ZNF217: variants seen among roughly 807,000 people sequenced by gnomAD.
ZNF217 encodes the protein zinc finger protein 217.
In ZNF217, 12 loss-of-function variants were observed where a neutral mutation model predicts 73.3. The ratio of observed to expected loss-of-function variants is 0.16; its 90% CI spans 0.10 to 0.27. The LOEUF (loss-of-function observed/expected upper bound fraction) is 0.27, where lower values mean the gene tolerates loss of function less well. Among genes scored for constraint, ZNF217 ranks in the 10% least tolerant of loss-of-function variants. ZNF217 has a pLI of 1.00. For synonymous variants in ZNF217, 588 were observed against 516.4 expected (o/e 1.14, Z -1.88); for missense variants, 1,195 against 1,327.8 (o/e 0.90, Z 1.55).
Position 53,581,349 on chromosome 20 carries a change from C to G in ZNF217, c.1366+112G>C. The stretch of plus-strand genomic sequence containing the variant: ...AAAGAGCCTGGACTTGACTCTGGCT[C>G]TCCAAACCCCATTCCTGGCCAGCGT... On this transcript the variant is annotated intron_variant, in intron 2 of 5. Coordinates refer to ENST00000371471, the MANE Select transcript of ZNF217 (RefSeq NM_006526.3). This position sits in a 1 kb window ranked among gnomAD's most constrained non-coding sequence, Gnocchi z 4.9. 6.9e-7 allele frequency: 1 copy of G among 1,458,258 alleles called. No individual in the cohort carries two copies. The highest frequency in any genetic ancestry group is 1.4e-5 in the African/African-American group (1 of 70,914). 90.3% of individuals were successfully genotyped at this position (1,458,258 alleles called of 1,614,324 possible).
intron 1 of ZNF217, among the ~76,000 whole-genome samples, chr20:53,584,883 C>G (rs1382738965): frequency 6.6e-6 from 1 of 152,138 alleles, no homozygotes; most frequent in Non-Finnish European, 1.5e-5. Context: ...TGAATAACAG[C>G]ACATACCCTA....
intron 1 of ZNF217, among the ~76,000 whole-genome samples, chr20:53,588,384 A>C (rs990591955): frequency 4.6e-5 from 7 of 151,214 alleles, no homozygotes; most frequent in African/African-American, 1.7e-4. Context: ...TAAAAACTTT[A>C]ATTAAGCAAG....
Position 53,578,321 on chromosome 20 carries a change from A to C in ZNF217, c.1483+13T>G. ...TTAACTAATGCATGGTTAAAAAAAT[A>C]AAAGTTCTTTACCTGTATGCGTTCT... is the stretch of plus-strand genomic sequence containing the variant. On this transcript the variant is annotated intron_variant, in intron 3 of 5. Transcript: ENST00000371471. 6.5e-7 allele frequency: 1 copy of C among 1,536,026 alleles called. No individual in the cohort carries two copies. The highest frequency in any genetic ancestry group is 1.2e-5 in the South Asian group (1 of 80,548).
rs898679696 is a variant in ZNF217 at position 53,580,864 on chromosome 20, T to C, written c.1366+597A>G. ...TGATCATCACTCCCAGTACCTTTTA[T>C]GGCCACTAGAAATTCACTACAGAAA... On this transcript the variant is annotated intron_variant, in intron 2 of 5. Coordinates refer to ENST00000371471, the MANE Select transcript of ZNF217 (RefSeq NM_006526.3). Among the ~76,000 whole-genome samples, 3 of 152,208 alleles carry C rather than the reference T, an allele frequency of 2.0e-5. No individual in the cohort carries two copies. In the East Asian group the frequency reaches 5.8e-4, roughly 29 times the overall value.
rs146682558 is a variant in ZNF217 at position 53,578,414 on chromosome 20, G to A, written c.1403C>T (p.Thr468Ile). ...ACAATAACTACACTCTCTTGAAGAT[G>A]TAAGATGTTTTATTTTTCCTCCATC... The part of the protein sequence containing the change: ...NDDGGKIKHL[T>I]SSRECSYCGK... Residue 468 changes from threonine to isoleucine, a missense_variant, in exon 3 of 6, where the codon ACA becomes ATA. Coordinates refer to ENST00000371471, the MANE Select transcript of ZNF217 (RefSeq NM_006526.3). 6.3e-7 allele frequency: 1 copy of A among 1,577,566 alleles called. No individual in the cohort carries two copies. Among genetic ancestry groups the A allele is most frequent in the African/African-American group, 1.4e-5 (1 of 72,956 alleles).
Position 53,582,208 on chromosome 20 carries a change from C to A in ZNF217, c.619G>T (p.Ala207Ser). ...ATINEVVQVH[A>S]AESISSPYKI... ...TAAGGAGAGGAGATGCTCTCGGCCG[C>A]GTGCACCTGGACGACCTCGTTGATC... The change falls in exon 2 of 6, where the codon GCG (alanine) becomes TCG (serine). Residue 207 changes from alanine (A) to serine (S), a missense_variant. Physicochemically the swap from Ala to Ser is moderately conservative, Grantham distance 99. Around this residue, in one of 9 missense-constraint regions of ZNF217, gnomAD observed 126 missense variants for 114.4 expected, o/e 1.10. Coordinates refer to ENST00000371471, the MANE Select transcript of ZNF217 (RefSeq NM_006526.3). This position sits in a 1 kb window ranked among gnomAD's most constrained non-coding sequence, Gnocchi z 4.8. 6.2e-7 allele frequency: 1 copy of A among 1,614,050 alleles called. No individual in the cohort carries two copies.
chr20:53,579,182 A>G (rs554896378), intron 2 of ZNF217, among the ~76,000 whole-genome samples: 1 of 152,216 alleles, frequency 6.6e-6, no homozygotes, highest in Non-Finnish European at 1.5e-5. Context: ...AGGAGAAGTT[A>G]GAGTCCACTG....
chr20:53,573,364 C>T (rs999710515), intron 4 of ZNF217, among the ~76,000 whole-genome samples: 1 of 152,118 alleles, frequency 6.6e-6, no homozygotes, highest in African/African-American at 2.4e-5. Flanking sequence ...GGATTACAGG[C>T]GTGAGCCACC....
upstream of ZNF217, among the ~76,000 whole-genome samples, chr20:53,594,168 C>T (rs965423024): frequency 3.3e-5 from 5 of 151,518 alleles, no homozygotes; most frequent in Non-Finnish European, 7.4e-5. Context: ...GCGCGGGCGC[C>T]CCCTACTCGT....
At chr20:53,596,673 GTGAAAAT>G (rs2145994022), upstream of ZNF217, among the ~76,000 whole-genome samples, 1 of 152,266 alleles carries the variant, frequency 6.6e-6, no homozygotes, top group African/African-American at 2.4e-5. Flanking sequence ...ACTGCACAAA[GTGAAAAT>G]TGAAAATCGA....
intron 2 of ZNF217, among the ~76,000 whole-genome samples, chr20:53,580,319 C>G (rs1462432788): frequency 2.0e-5 from 3 of 152,184 alleles, no homozygotes; most frequent in Non-Finnish European, 4.4e-5. Flanking sequence ...AGAATTCAAG[C>G]ACACAATCAA....
At chr20:53,594,661 G>T (rs1206461785), upstream of ZNF217, among the ~76,000 whole-genome samples, 2 of 151,962 alleles carry the variant, frequency 1.3e-5, no homozygotes, top group African/African-American at 2.4e-5. Flanking sequence ...GGCCGCGAGG[G>T]TGTGCGCAGG....
Position 53,576,007 on chromosome 20 carries a change from T to C in ZNF217, c.2757A>G (p.Arg919=). Residue 919 remains arginine, a synonymous_variant, in exon 4 of 6, where the codon AGA becomes AGG. Transcript: ENST00000371471. ...AAEFGEPLPK[R]LKSSVVALDV... ...CAAGGGCAACCACGCTGGACTTCAG[T>C]CTTTTTGGAAGGGGCTCACCAAATT... is the stretch of plus-strand genomic sequence containing the variant. 6.2e-7 allele frequency: 1 copy of C among 1,614,194 alleles called. No individual in the cohort carries two copies. The highest frequency in any genetic ancestry group is 8.5e-7 in the Non-Finnish European group (1 of 1,180,022).
In ZNF217 at chr20:53,575,968, G is replaced by A. The variant is rs542150269; in HGVS notation, c.2796C>T (p.Pro932=). Residue 932 remains proline, a synonymous_variant, in exon 4 of 6, where the codon CCC becomes CCT. Coordinates refer to ENST00000371471, the MANE Select transcript of ZNF217 (RefSeq NM_006526.3). ...CATAGCCTCTTCTGTAATTGGCCCC[G>A]GGCTGGTCAACGTCAAGGGCAACCA... ...SSVVALDVDQ[P]GANYRRGYDL... The A allele has an allele frequency of 1.2e-5, 20 of 1,614,168 alleles. No individual in the cohort carries two copies. The highest frequency in any genetic ancestry group is 4.0e-5 in the African/African-American group (3 of 75,032).
At position 53,582,972 on chromosome 20, in the gene ZNF217, T is replaced by A; in HGVS notation, c.-146A>T. The A allele has an allele frequency of 2.4e-6, 2 of 834,064 alleles. No homozygotes were observed. Among genetic ancestry groups the A allele is most frequent in the Non-Finnish European group, 3.6e-6 (2 of 556,964 alleles). 51.7% of individuals were successfully genotyped at this position (834,064 alleles called of 1,614,324 possible). ...GTTCAAAAGAAAGTGTATAGTCCTC[T>A]AACTTCTTCGAACTTTTAGGAAGCT... On this transcript the variant is annotated 5_prime_UTR_variant, in exon 2 of 6. The change abolishes the stop of an existing upstream ORF in the 5' untranslated region. Transcript: ENST00000371471. This position sits in a 1 kb window ranked among gnomAD's most constrained non-coding sequence, Gnocchi z 4.8.
intron 2 of ZNF217, 82 bp from the exon 3 acceptor site, chr20:53,578,532 A>T (rs1988371438): frequency 1.1e-6 from 1 of 873,086 alleles, no homozygotes; most frequent in Middle Eastern, 3.7e-4. Context: ...TATTCTTGAC[A>T]TAAACATTTT....
chr20:53,597,225 G>A (rs1989057996), upstream of ZNF217, among the ~76,000 whole-genome samples: 1 of 152,052 alleles, frequency 6.6e-6, no homozygotes, highest in Admixed American at 6.5e-5. Context: ...TTATTTTACT[G>A]TGGAACTATT....
Position 53,582,192 on chromosome 20 carries a change from G to A in ZNF217, c.635C>T (p.Ser212Phe), listed in dbSNP as rs759065216. 6.2e-6 allele frequency: 10 copies of A among 1,614,042 alleles called. No homozygotes were observed. Among genetic ancestry groups the A allele is most frequent in the Non-Finnish European group, 7.6e-6 (9 of 1,180,046 alleles). The change falls in exon 2 of 6, where the codon TCC becomes TTC. Residue 212 changes from serine to phenylalanine, a missense_variant. This residue lies in a region of ZNF217 where 126 missense variants were observed against 114.4 expected (regional missense o/e 1.10). Transcript: ENST00000371471. The surrounding 1 kb of genome is among the most constrained non-coding windows in gnomAD (Gnocchi z 4.8). ...VVQVHAAESI[S>F]SPYKICMVCG... ...AACCATGCAGATTTTGTAAGGAGAGGAGATGCTCTCGGCCGCGTGCACCTG... is the reference window on the plus strand; with the variant it reads ...AACCATGCAGATTTTGTAAGGAGAGAAGATGCTCTCGGCCGCGTGCACCTG...
chr20:53,583,416 G>T lies in ZNF217; in HGVS notation c.-342-248C>A, dbSNP rs377548445. Reference sequence around the variant, plus strand: ...ATCCAGTTTAAATCAGTGCTTTACCGACTTAAATCTAAAATGTCAAGTTTT... The same window carrying T: ...ATCCAGTTTAAATCAGTGCTTTACCTACTTAAATCTAAAATGTCAAGTTTT... On this transcript the variant is annotated intron_variant, in intron 1 of 5. Coordinates refer to ENST00000371471, the MANE Select transcript of ZNF217 (RefSeq NM_006526.3). Among the ~76,000 whole-genome samples, 5 of 152,236 alleles carry T rather than the reference G, an allele frequency of 3.3e-5. 1 individual carries two copies. In the South Asian group the frequency reaches 8.3e-4, roughly 25 times the overall value.
Sources: gnomAD v4.1 joint callset for allele counts (sites outside exome capture counted in the v4.1 genomes callset) on GRCh38, gnomAD v4.1.1 for gene constraint, gnomAD v4.1.1 regional missense constraint, Gnocchi (gnomAD v3.1) non-coding constraint, MANE v1.5 for transcripts, NCBI Gene and HGNC (gene_info 2026-07-23, HGNC 2026-07-21) for gene names.